The following PDE4D variants were observed in gnomAD, a reference collection of about 807,000 sequenced individuals.
PDE4D encodes the protein 3',5'-cyclic-AMP phosphodiesterase 4D.
A neutral mutation model predicts 87.4 loss-of-function variants in PDE4D; 24 were observed. The ratio of observed to expected loss-of-function variants is 0.27; its 90% CI spans 0.20 to 0.39. The LOEUF is 0.39. PDE4D is among the 10% of genes least tolerant of loss of function. PDE4D has a pLI of 1.00. For missense variants in PDE4D, 714 were observed against 1,041.0 expected, an observed-to-expected ratio of 0.69 and a Z score of 4.32; for synonymous variants, 384 against 383.2, an observed-to-expected ratio of 1.00 and a Z score of -0.02.
chr5:59,275,886 C>A (rs1375757052), intron 1 of PDE4D: 4 of 985,254 alleles, frequency 4.1e-6, no homozygotes, highest in Non-Finnish European at 4.8e-6. Context: ...TCAGGGCAAG[C>A]ACAGGAAAAC....
upstream of PDE4D, chr5:59,893,822 C>G (rs1751338839): frequency 7.5e-7 from 1 of 1,324,560 alleles, no homozygotes; most frequent in East Asian, 3.2e-5. Flanking sequence ...GGTCACAGAA[C>G]GCGGCAGGGC....
intron 2 of PDE4D, among the ~76,000 whole-genome samples, chr5:59,198,469 A>G (rs1581320908): frequency 6.6e-6 from 1 of 152,296 alleles, no homozygotes; most frequent in South Asian, 2.1e-4. Flanking sequence ...TCACTGTGGG[A>G]GTCAGTGTCA....
intron 1 of PDE4D, among the ~76,000 whole-genome samples, chr5:59,660,141 A>G (rs1345395256): frequency 6.6e-6 from 1 of 152,142 alleles, no homozygotes; most frequent in African/African-American, 2.4e-5. Context: ...TTGAGTCAAG[A>G]TAATAGCACT....
chr5:59,676,598 T>C (rs1748123860), intron 1 of PDE4D, among the ~76,000 whole-genome samples: 3 of 152,182 alleles, frequency 2.0e-5, no homozygotes, highest in Admixed American at 2.0e-4. Context: ...TCTCAAACTA[T>C]GCTGTGTTTC....
chr5:60,110,290 T>C (rs1777539246), intron 2 of PDE4D, among the ~76,000 whole-genome samples: 1 of 151,746 alleles, frequency 6.6e-6, no homozygotes, highest in Non-Finnish European at 1.5e-5. Context: ...TGGACTAATA[T>C]CCAGAATATA....
rs369766499 is a variant in PDE4D at position 59,090,269 on chromosome 5, T to A, written c.809-51298A>T. On this transcript the variant is annotated intron_variant, in intron 5 of 14. Coordinates refer to ENST00000340635, the MANE Select transcript of PDE4D (RefSeq NM_001104631.2). ...CCAGTTGCTAATAGTGATCAGTTGA[T>A]GAATACACCTCATGTTTCACGCATA... 3.9e-5 allele frequency among the ~76,000 whole-genome samples: 6 copies of A among 152,188 alleles called. No individual in the cohort carries two copies. The East Asian group carries it at 7.7e-4, about 20-fold the overall frequency.
intron 1 of PDE4D, among the ~76,000 whole-genome samples, chr5:59,556,390 A>G (rs1818923833): frequency 6.6e-6 from 1 of 152,166 alleles, no homozygotes; most frequent in Non-Finnish European, 1.5e-5. Flanking sequence ...CCTAAGAGAC[A>G]CACACATTTA....
intron 2 of PDE4D, among the ~76,000 whole-genome samples, chr5:59,202,688 T>A (rs927516129): frequency 3.9e-5 from 6 of 152,148 alleles, no homozygotes; most frequent in Non-Finnish European, 8.8e-5. Flanking sequence ...ATGAGTCTTA[T>A]GAGATCTAAT....
intron 1 of PDE4D, among the ~76,000 whole-genome samples, chr5:59,306,636 T>G (rs13361223): frequency 0.11 from 16,715 of 151,692 alleles, 992 homozygotes; most frequent in East Asian, 0.21. Flanking sequence ...AAAATACCTA[T>G]GAATCCAACT....
intron 2 of PDE4D, among the ~76,000 whole-genome samples, chr5:60,130,314 A>G (rs1051178964): frequency 2.6e-5 from 4 of 152,188 alleles, no homozygotes; most frequent in African/African-American, 7.2e-5. Flanking sequence ...AGATTACCAA[A>G]TATTGGCAAG....
chr5:59,900,399 G>C (rs187412154), intron 3 of PDE4D, among the ~76,000 whole-genome samples: 6 of 151,928 alleles, frequency 3.9e-5, no homozygotes, highest in Admixed American at 3.9e-4. Flanking sequence ...TTAAAACATG[G>C]GTAGGAGACA....
At chr5:59,659,125 G>T (rs1484142378) in intron 1 of PDE4D, among the ~76,000 whole-genome samples, 2 of 152,178 alleles carry the variant, frequency 1.3e-5, no homozygotes, top group African/African-American at 2.4e-5. Flanking sequence ...ACTGGGAAGG[G>T]ATATGTTGAA....
chr5:60,255,689 A>T (rs569886387), intron 1 of PDE4D, among the ~76,000 whole-genome samples: 39 of 151,706 alleles, frequency 2.6e-4, no homozygotes, highest in Non-Finnish European at 5.2e-4. Context: ...ATCACCAACT[A>T]CTCAAAAGTA....
At chr5:59,515,815 G>A (rs1811055876) in intron 1 of PDE4D, among the ~76,000 whole-genome samples, 1 of 152,126 alleles carries the variant, frequency 6.6e-6, no homozygotes, top group Admixed American at 6.5e-5. Flanking sequence ...CACAATTATA[G>A]CTAGAAAGGT....
At position 59,798,504 on chromosome 5, in the gene PDE4D, C is replaced by T. The variant is rs562453573; in HGVS notation, c.455+94664G>A. Among the ~76,000 whole-genome samples the T allele has an allele frequency of 3.9e-5, 6 of 152,106 alleles. No homozygotes were observed. The South Asian group carries it at 1.0e-3, about 26-fold the overall frequency. ...GATGGAGCAGGAGAGACGTAAAGCA[C>T]TAAATGCCATTAAGTAAGAAAAATC... On this transcript the variant is annotated intron_variant, in intron 1 of 14. Transcript: ENST00000340635.
upstream of PDE4D, among the ~76,000 whole-genome samples, chr5:60,492,122 AT>A (rs1369783002): frequency 7.4e-5 from 11 of 148,952 alleles, no homozygotes; most frequent in African/African-American, 2.8e-4. Context: ...TTAAAGTATA[AT>A]TAAAAAAAAA....
chr5:59,064,407 C>T (rs1763585756), intron 5 of PDE4D, among the ~76,000 whole-genome samples: 1 of 152,140 alleles, frequency 6.6e-6, no homozygotes, highest in Admixed American at 6.6e-5. Flanking sequence ...CAACCAAGCT[C>T]TCACTGGGTC....
intron 1 of PDE4D, among the ~76,000 whole-genome samples, chr5:59,832,423 C>A (rs1480647767): frequency 6.6e-6 from 1 of 152,018 alleles, no homozygotes; most frequent in African/African-American, 2.4e-5. Context: ...TTTTTGAAAG[C>A]TATTTTATGA....
chr5:59,311,770 T>C (rs1010337235), intron 1 of PDE4D, among the ~76,000 whole-genome samples: 5 of 152,172 alleles, frequency 3.3e-5, no homozygotes, highest in African/African-American at 9.7e-5. Flanking sequence ...CTAGACCTTT[T>C]CTGCCATTAT....
Sources: allele counts gnomAD v4.1 joint callset (sites outside exome capture counted in the v4.1 genomes callset), GRCh38; gene constraint gnomAD v4.1.1; transcripts MANE v1.5; gene names NCBI Gene and HGNC (gene_info 2026-07-23, HGNC 2026-07-21).